Variants in SNX14 observed in about 807,000 individuals in gnomAD.
SNX14 encodes the protein sorting nexin-14.
SNX14 carries 93 observed loss-of-function variants against 133.8 expected under a neutral mutation model. The ratio of observed to expected loss-of-function variants is 0.70; its 90% CI spans 0.59 to 0.83. The LOEUF is 0.83. Among genes scored for constraint, SNX14 ranks in the 40% least tolerant of loss-of-function variants. The probability of loss-of-function intolerance (pLI) is 0.00; values close to 1 mark genes in which losing one functional copy is unlikely to be tolerated. For synonymous variants in SNX14, 368 were observed against 365.6 expected, an observed-to-expected ratio of 1.01 and a Z score of -0.07; for missense variants, 945 against 1,094.9, an observed-to-expected ratio of 0.86 and a Z score of 1.93.
chr6:85,584,055 A>G (rs1379902330), intron 1 of SNX14, among the ~76,000 whole-genome samples: 1 of 152,248 alleles, frequency 6.6e-6, no homozygotes, highest in Non-Finnish European at 1.5e-5. Flanking sequence ...ACAGATATAT[A>G]GACCAATGGA....
At chr6:85,589,224 ACT>A (rs1802021038) in intron 1 of SNX14, 1 of 153,288 alleles carries the variant, frequency 6.5e-6, no homozygotes, top group Non-Finnish European at 1.4e-5. Flanking sequence ...TTCTGGCACC[ACT>A]TTTTTTTTTT....
chr6:85,570,162 T>C (rs1277408127), intron 4 of SNX14, among the ~76,000 whole-genome samples: 12 of 152,244 alleles, frequency 7.9e-5, no homozygotes, highest in Admixed American at 3.9e-4. Flanking sequence ...AGACTAAAGT[T>C]CCTGGTAGAA....
intron 24 of SNX14, 134 bp from the exon 25 acceptor site, chr6:85,514,368 G>C: frequency 7.0e-7 from 1 of 1,424,774 alleles, no homozygotes. Flanking sequence ...TATGATCAAG[G>C]CCAATCGTAT....
intron 21 of SNX14, among the ~76,000 whole-genome samples, chr6:85,518,292 A>G (rs569238307): frequency 1.3e-5 from 2 of 152,298 alleles, no homozygotes; most frequent in East Asian, 3.9e-4. Context: ...GGGAGAAGGG[A>G]TGGAACAAGC....
chr6:85,584,585 G>A (rs1280272835), intron 1 of SNX14, among the ~76,000 whole-genome samples: 7 of 152,076 alleles, frequency 4.6e-5, no homozygotes, highest in East Asian at 1.9e-4. Flanking sequence ...AAAAGTGGGC[G>A]AAGGATACAA....
intron 26 of SNX14, among the ~76,000 whole-genome samples, chr6:85,512,487 T>A (rs1562182412): frequency 6.6e-6 from 1 of 152,062 alleles, no homozygotes; most frequent in African/African-American, 2.4e-5. Context: ...CCAGGCGTGG[T>A]GGTGCAGGAC....
intron 28 of SNX14, among the ~76,000 whole-genome samples, chr6:85,506,907 A>G (rs3812137): frequency 0.13 from 19,642 of 152,126 alleles, 1,446 homozygotes; most frequent in African/African-American, 0.21. Flanking sequence ...CACAGCATAC[A>G]ATGGTGCAGA....
chr6:85,578,595 A>G (rs1273123124), intron 1 of SNX14, among the ~76,000 whole-genome samples: 1 of 152,218 alleles, frequency 6.6e-6, no homozygotes, highest in African/African-American at 2.4e-5. Context: ...CTGACAGGCG[A>G]GTAGAATGGA....
chr6:85,540,289 C>T (rs1371925956), intron 15 of SNX14, among the ~76,000 whole-genome samples: 19 of 152,160 alleles, frequency 1.2e-4, no homozygotes, highest in Admixed American at 1.2e-3. Flanking sequence ...TTTAAGGTCA[C>T]AGAACCACTT....
At chr6:85,543,364 C>G in intron 13 of SNX14, 58 bp from the exon 14 acceptor site, 2 of 1,418,022 alleles carry the variant, frequency 1.4e-6, no homozygotes, top group Non-Finnish European at 1.9e-6. Flanking sequence ...ATATACAGTT[C>G]TAAAACGTTT....
chr6:85,529,069 C>T (rs556775557), intron 19 of SNX14, among the ~76,000 whole-genome samples: 2 of 149,416 alleles, frequency 1.3e-5, no homozygotes, highest in Admixed American at 6.7e-5. Context: ...AAAAAAAAGG[C>T]CACCAACATG....
At chr6:85,590,634 T>G (rs1276805546) in intron 1 of SNX14, among the ~76,000 whole-genome samples, 1 of 152,214 alleles carries the variant, frequency 6.6e-6, no homozygotes, top group Non-Finnish European at 1.5e-5. Context: ...TTTGCTGGCA[T>G]TAAATTACCC....
chr6:85,523,544 G>A (rs1777557255), intron 21 of SNX14, among the ~76,000 whole-genome samples: 2 of 152,202 alleles, frequency 1.3e-5, no homozygotes, highest in Non-Finnish European at 2.9e-5. Flanking sequence ...GGAGGCTGAG[G>A]CAGACGGATC....
intron 28 of SNX14, among the ~76,000 whole-genome samples, chr6:85,506,464 T>C (rs1392416130): frequency 6.6e-6 from 1 of 152,056 alleles, no homozygotes; most frequent in Non-Finnish European, 1.5e-5. Flanking sequence ...TTACAGGCAC[T>C]TGCCACCAAA....
intron 23 of SNX14, among the ~76,000 whole-genome samples, chr6:85,516,172 A>G (rs1303143715): frequency 6.6e-6 from 1 of 152,176 alleles, no homozygotes; most frequent in Non-Finnish European, 1.5e-5. Context: ...GCACAATTTC[A>G]TCTGCTGCAA....
chr6:85,562,665 C>T (rs1013323960), intron 6 of SNX14, among the ~76,000 whole-genome samples: 5 of 141,498 alleles, frequency 3.5e-5, no homozygotes, highest in African/African-American at 1.3e-4. Flanking sequence ...TCTCGGCTCA[C>T]TGTAACTTCC....
chr6:85,537,013 CA>C, intron 16 of SNX14, 89 bp from the exon 17 acceptor site: 1 of 1,373,984 alleles, frequency 7.3e-7, no homozygotes, highest in South Asian at 1.7e-5. Context: ...AAAAGAAAAA[CA>C]GTTTTGAAAA....
At chr6:85,553,655 A>G (rs1213924704) in intron 7 of SNX14, among the ~76,000 whole-genome samples, 1 of 152,026 alleles carries the variant, frequency 6.6e-6, no homozygotes, top group Non-Finnish European at 1.5e-5. Context: ...GCGTGATGGC[A>G]GGCGCCTGTA....
chr6:85,583,064 C>G lies in SNX14; in HGVS notation c.141-8686G>C, dbSNP rs567030805. ...CCGAATCCAGCACATCCACCATGAT[C>G]AAGTCGGCTTCATCCCTGGAATGCA... On this transcript the variant is annotated intron_variant, in intron 1 of 28. Coordinates refer to ENST00000314673, the MANE Select transcript of SNX14 (RefSeq NM_153816.6). 9.9e-5 allele frequency among the ~76,000 whole-genome samples: 15 copies of G among 152,250 alleles called. No homozygotes were observed. In the East Asian group the frequency reaches 2.3e-3, roughly 24 times the overall value.
Sources: gnomAD v4.1 joint callset for allele counts (sites outside exome capture counted in the v4.1 genomes callset) on GRCh38, gnomAD v4.1.1 for gene constraint, MANE v1.5 for transcripts, NCBI Gene and HGNC (gene_info 2026-07-23, HGNC 2026-07-21) for gene names.